The following TRDMT1 variants were observed in gnomAD, a reference collection of about 807,000 sequenced individuals.
The protein encoded by TRDMT1 is tRNA aspartic acid methyltransferase 1, also known as tRNA (cytosine(38)-C(5))-methyltransferase.
TRDMT1 carries 49 observed loss-of-function variants against 51.2 expected under a neutral mutation model. The observed-to-expected ratio is 0.96, with a 90% confidence interval of 0.76 to 1.21. The LOEUF (loss-of-function observed/expected upper bound fraction) is 1.21, where lower values mean the gene tolerates loss of function less well. Among genes scored for constraint, TRDMT1 ranks in the 50% most tolerant of loss-of-function variants. TRDMT1 has a pLI of 0.00. For missense variants in TRDMT1, 534 were observed against 462.3 expected (o/e 1.16, Z -1.42); for synonymous variants, 187 against 164.6 (o/e 1.14, Z -1.04).
chr10:17,166,046 G>A (rs6602182), intron 3 of TRDMT1, among the ~76,000 whole-genome samples: 21,009 of 151,862 alleles, frequency 0.14, 1,545 homozygotes, highest in Admixed American at 0.17. Flanking sequence ...ATTATAAATC[G>A]TGCTGCTATA....
At position 17,174,575 on chromosome 10, in the gene TRDMT1, T is replaced by A; in HGVS notation, c.150A>T (p.Thr50=). ...CTTCAATCGTCTTGGCAAGTAACTG[T>A]GTGTGAGGAAAATTATACTTGTATA... ...NEVYKYNFPH[T]QLLAKTIEGI... is the part of the protein sequence containing the mutation. Residue 50 remains threonine (T), a synonymous_variant, in exon 2 of 11, where the codon ACA becomes ACT. Coordinates refer to ENST00000377799, the MANE Select transcript of TRDMT1 (RefSeq NM_004412.7). The A allele has an allele frequency of 6.2e-7, 1 of 1,613,374 alleles. No homozygotes were observed. Among genetic ancestry groups the A allele is most frequent in the South Asian group, 1.1e-5 (1 of 91,030 alleles).
chr10:17,201,277 A>G, intron 1 of TRDMT1: 1 of 357,254 alleles, frequency 2.8e-6, no homozygotes, highest in Non-Finnish European at 5.1e-6. Context: ...CGCCCCTTTG[A>G]TACCCTTTGA....
At chr10:17,193,725 T>C (rs1223749931) in intron 1 of TRDMT1, among the ~76,000 whole-genome samples, 2 of 152,162 alleles carry the variant, frequency 1.3e-5, no homozygotes, top group Admixed American at 6.5e-5. Context: ...GTTAAAATGG[T>C]AGTACTGCCT....
rs897400035 is a variant in TRDMT1 at position 17,146,814 on chromosome 10, A to T, written c.*2226T>A. On this transcript the variant is annotated 3_prime_UTR_variant, in exon 11 of 11. Coordinates refer to ENST00000377799, the MANE Select transcript of TRDMT1 (RefSeq NM_004412.7). ...AAGCATATAGCAGACATTCCATAAAATAACATTTTCCAAATTAATTATGCA... is the reference window on the plus strand; with the variant it reads ...AAGCATATAGCAGACATTCCATAAATTAACATTTTCCAAATTAATTATGCA... 1.3e-5 allele frequency: 13 copies of T among 985,288 alleles called. No homozygotes were observed. The African/African-American group carries it at 2.3e-4, about 17-fold the overall frequency. The allele number at this position is 985,288 out of a possible 1,614,324, so 61.0% of individuals were successfully genotyped here.
At chr10:17,192,378 C>T (rs947689046) in intron 1 of TRDMT1, among the ~76,000 whole-genome samples, 4 of 152,148 alleles carry the variant, frequency 2.6e-5, no homozygotes, top group Non-Finnish European at 5.9e-5. Flanking sequence ...AATGACAATA[C>T]CTGCCTAATA....
chr10:17,185,912 C>T (rs543663957), intron 1 of TRDMT1, among the ~76,000 whole-genome samples: 3 of 151,684 alleles, frequency 2.0e-5, no homozygotes, highest in Admixed American at 6.6e-5. Flanking sequence ...TTGTGGGGTG[C>T]GGGGAGGAAG....
chr10:17,183,633 G>T (rs1588643468), intron 1 of TRDMT1, among the ~76,000 whole-genome samples: 1 of 152,112 alleles, frequency 6.6e-6, no homozygotes, highest in African/African-American at 2.4e-5. Flanking sequence ...TGGCCAGGCT[G>T]GTCTCGAACT....
At chr10:17,180,556 A>T (rs907566882) in intron 1 of TRDMT1, among the ~76,000 whole-genome samples, 6 of 56,060 alleles carry the variant, frequency 1.1e-4, no homozygotes, top group Non-Finnish European at 3.3e-4. Flanking sequence ...AAAAAAAAAA[A>T]ACTCTCTTTC....
rs114042666 is a variant in TRDMT1 at position 17,178,466 on chromosome 10, C to T, written c.65-3806G>A. On this transcript the variant is annotated intron_variant, in intron 1 of 10. Transcript: ENST00000377799. ...CAAGGAGGGCACACCATTTGAGGTT[C>T]GGAGTTTGAGACCAGCCTGGCCAAA... 8.0e-3 allele frequency among the ~76,000 whole-genome samples: 1,209 copies of T among 152,050 alleles called. 23 individuals carry two copies. Among genetic ancestry groups the T allele is most frequent in the African/African-American group, 0.027 (1,137 of 41,494 alleles).
intron 2 of TRDMT1, among the ~76,000 whole-genome samples, chr10:17,169,966 G>C (rs887155166): frequency 6.6e-5 from 10 of 152,166 alleles, no homozygotes; most frequent in African/African-American, 2.2e-4. Context: ...ACGGGGCAGG[G>C]TATTAGCACA....
chr10:17,161,512 AT>A lies in TRDMT1; in HGVS notation c.359del (p.Asn120MetfsTer14). On this transcript the variant is annotated frameshift_variant, in exon 5 of 11. Coordinates refer to ENST00000377799, the MANE Select transcript of TRDMT1 (RefSeq NM_004412.7). LOFTEE classifies it high-confidence loss of function. Reference protein sequence around the residue: ...QKLPKYILLENVKGFEVSSTR... With the variant: ...QKLPKYILLEXVKGFEVSSTR... ...TAGAAGATACTTCAAAACCTTTAAC[AT>A]TTTCCAAAAGAATATACTTTGGTAA... 7.4e-7 allele frequency: 1 copy of A among 1,352,348 alleles called. No individual in the cohort carries two copies. Among genetic ancestry groups the A allele is most frequent in the Non-Finnish European group, 1.0e-6 (1 of 999,394 alleles). 83.8% of individuals were successfully genotyped at this position (1,352,348 alleles called of 1,614,324 possible). A position where few individuals can be genotyped will look rare whatever the true frequency, so the allele number is the denominator to read the frequency against.
rs934821860 is a variant in TRDMT1 at position 17,157,543 on chromosome 10, T to G, written c.785A>C (p.Asp262Ala). 6.2e-7 allele frequency: 1 copy of G among 1,614,062 alleles called. No homozygotes were observed. The highest frequency in any genetic ancestry group is 1.7e-5 in the Admixed American group (1 of 60,024). The change falls in exon 8 of 11, where the codon GAC (aspartate) becomes GCC (alanine). Residue 262 changes from aspartate to alanine, a missense_variant. Physicochemically the swap from Asp to Ala is moderately radical, Grantham distance 126. Coordinates refer to ENST00000377799, the MANE Select transcript of TRDMT1 (RefSeq NM_004412.7). ...TGGTGGTAAAAGATACTGGTTCACG[T>G]CAGTGTCATCTTCAAGAAAATCTTT... ...MLKDFLEDDT[D>A]VNQYLLPPKS...
At chr10:17,158,882 T>G (rs1839914597) in intron 7 of TRDMT1, among the ~76,000 whole-genome samples, 1 of 152,054 alleles carries the variant, frequency 6.6e-6, no homozygotes, top group East Asian at 1.9e-4. Context: ...AAGATAACAA[T>G]ACTAATGATA....
chr10:17,146,732 C>T lies in TRDMT1; in HGVS notation c.*2308G>A. 1.0e-6 allele frequency: 1 copy of T among 985,330 alleles called. No individual in the cohort carries two copies. 61.0% of individuals were successfully genotyped at this position (985,330 alleles called of 1,614,324 possible). A position where few individuals can be genotyped will look rare whatever the true frequency, so the allele number is the denominator to read the frequency against. On this transcript the variant is annotated 3_prime_UTR_variant, in exon 11 of 11. Transcript: ENST00000377799. ...CCAACATCTGAATAAATGTACAAGT[C>T]CAAATATCAGGAAACAGAATTTCCA...
Position 17,148,587 on chromosome 10 carries a change from T to C in TRDMT1, c.*453A>G, listed in dbSNP as rs923551181. ...TTTGTTTAGATGAAATAAAGAAATATTTACAGGATTGGAAATTAAGTAAAA... is the reference window on the plus strand; with the variant it reads ...TTTGTTTAGATGAAATAAAGAAATACTTACAGGATTGGAAATTAAGTAAAA... On this transcript the variant is annotated 3_prime_UTR_variant, in exon 11 of 11. Transcript: ENST00000377799. 1.0e-5 allele frequency: 10 copies of C among 976,172 alleles called. No individual in the cohort carries two copies. Among genetic ancestry groups the C allele is most frequent in the East Asian group, 1.1e-4 (1 of 8,786 alleles). The allele number at this position is 976,172 out of a possible 1,614,324, so 60.5% of individuals were successfully genotyped here.
In TRDMT1 at chr10:17,190,646, C is replaced by T. The variant is rs148972978; in HGVS notation, c.64+10925G>A. Among the ~76,000 whole-genome samples, 240 of 152,218 alleles carry T rather than the reference C, an allele frequency of 1.6e-3. 1 individual carries two copies. The highest frequency in any genetic ancestry group is 5.7e-3 in the African/African-American group (236 of 41,544). Reference sequence around the variant, plus strand: ...TATCTATTAAAATCTCACACACAACCATGCCTACAAAAACTCTTCATGATT... The same window carrying T: ...TATCTATTAAAATCTCACACACAACTATGCCTACAAAAACTCTTCATGATT... On this transcript the variant is annotated intron_variant, in intron 1 of 10. Transcript: ENST00000377799.
rs568049184 is a variant in TRDMT1, at chr10:17,141,963, C to A, written c.*7077G>T. Among the ~76,000 whole-genome samples, 1 of 152,192 alleles carries A rather than the reference C, an allele frequency of 6.6e-6. No individual in the cohort carries two copies. The highest frequency in any genetic ancestry group is 6.6e-5 in the Admixed American group (1 of 15,266). ...TGGTTATTTTTCAGTTACATAACTG[C>A]CATTTATTTCTATTCTTAAAAATTG... On this transcript the variant is annotated 3_prime_UTR_variant, in exon 11 of 11. Coordinates refer to ENST00000377799, the MANE Select transcript of TRDMT1 (RefSeq NM_004412.7).
At position 17,185,607 on chromosome 10, in the gene TRDMT1, C is replaced by T. The variant is rs916027983; in HGVS notation, c.65-10947G>A. ...ATGCTGCCATAAAGACACATGCACACGTATGTTTATTGCGGCACTATTCAC... is the reference window on the plus strand; with the variant it reads ...ATGCTGCCATAAAGACACATGCACATGTATGTTTATTGCGGCACTATTCAC... On this transcript the variant is annotated intron_variant, in intron 1 of 10. Transcript: ENST00000377799. Among the ~76,000 whole-genome samples the T allele has an allele frequency of 4.6e-5, 7 of 152,248 alleles. No homozygotes were observed. The South Asian group carries it at 6.2e-4, about 14-fold the overall frequency.
Position 17,201,556 on chromosome 10 carries a change from T to C in TRDMT1, c.64+15A>G. ...CGTGAGCGAATAGAGAGAGGGGTGC[T>C]AGATGGACTCTCACCTCTCAGCGCG... On this transcript the variant is annotated intron_variant, in intron 1 of 10. Coordinates refer to ENST00000377799, the MANE Select transcript of TRDMT1 (RefSeq NM_004412.7). 6.5e-7 allele frequency: 1 copy of C among 1,549,012 alleles called. No individual in the cohort carries two copies.
Sources: allele counts gnomAD v4.1 joint callset (sites outside exome capture counted in the v4.1 genomes callset), GRCh38; gene constraint gnomAD v4.1.1; transcripts MANE v1.5; gene names NCBI Gene and HGNC (gene_info 2026-07-23, HGNC 2026-07-21).